The following RSF1 variants were observed in gnomAD, a reference collection of about 807,000 sequenced individuals.
RSF1 encodes remodeling and spacing factor 1.
Under a neutral mutation model 145.2 loss-of-function variants are expected in RSF1, and 13 were observed. The observed-to-expected ratio is 0.09, with a 90% CI of 0.06 to 0.14. The LOEUF (loss-of-function observed/expected upper bound fraction) is 0.14, where lower values mean the gene tolerates loss of function less well. RSF1 is among the 10% of genes least tolerant of loss of function. RSF1 has a pLI of 1.00. For synonymous variants in RSF1, 577 were observed against 592.6 expected (o/e 0.97, Z 0.38); for missense variants, 1,517 against 1,718.2 (o/e 0.88, Z 2.07).
chr11:77,734,972 C>T (rs1961307801), intron 4 of RSF1: 8 of 1,596,634 alleles, frequency 5.0e-6, no homozygotes, highest in African/African-American at 1.3e-5. Flanking sequence ...TTGATGGCGG[C>T]CTCTGAGTCC....
At chr11:77,856,273 T>C in the RSF1 span, among the ~76,000 whole-genome samples, 4 of 152,200 alleles carry the variant, frequency 2.6e-5, no homozygotes. Context: ...AAGTTCCTCA[T>C]CTCCGAGACC....
chr11:77,701,513 T>C lies in RSF1; in HGVS notation c.1716A>G (p.Lys572=), dbSNP rs1395698415. 1.2e-6 allele frequency: 2 copies of C among 1,613,844 alleles called. No homozygotes were observed. Among genetic ancestry groups the C allele is most frequent in the Admixed American group, 3.3e-5 (2 of 59,974 alleles). ...CTMKGEEKSP[K]TKKDKRPPIL... is the part of the protein sequence containing the mutation. The stretch of plus-strand genomic sequence containing the variant: ...TTGGTGGGCGCTTATCCTTCTTAGT[T>C]TTGGGAGACTTCTCTTCACCTTTCA... The change falls in exon 6 of 16, where the codon AAA becomes AAG. Residue 572 remains lysine, a synonymous_variant. Transcript: ENST00000308488.
chr11:77,869,762 T>C, the RSF1 span: 1 of 1,613,986 alleles, frequency 6.2e-7, no homozygotes, highest in Admixed American at 1.7e-5. Context: ...AAGGAAGTTG[T>C]TGAGAAGGGT....
chr11:77,774,757 CTTCT>C (rs1053360703), intron 1 of RSF1, among the ~76,000 whole-genome samples: 5 of 147,920 alleles, frequency 3.4e-5, no homozygotes, highest in African/African-American at 1.0e-4. Flanking sequence ...TGAAACCCTG[CTTCT>C]TTCTTTTTTT....
intron 2 of RSF1, among the ~76,000 whole-genome samples, chr11:77,751,059 T>A (rs182661949): frequency 4.6e-5 from 7 of 152,038 alleles, no homozygotes; most frequent in Admixed American, 4.6e-4. Flanking sequence ...AACCTCTACA[T>A]ACAGGTAAAC....
intron 2 of RSF1, chr11:77,762,167 C>T (rs1948182683): frequency 6.6e-6 from 1 of 151,206 alleles, no homozygotes; most frequent in African/African-American, 2.4e-5. Flanking sequence ...CTGTGCCTAG[C>T]TGGGTTTCCT....
rs541836889 is a variant in RSF1, at chr11:77,772,366, G to A, written c.188-7677C>T. Among the ~76,000 whole-genome samples, 15 of 152,132 alleles carry A rather than the reference G, an allele frequency of 9.9e-5. 1 individual carries two copies. The South Asian group carries it at 3.1e-3, about 32-fold the overall frequency. On this transcript the variant is annotated intron_variant, in intron 1 of 15. Transcript: ENST00000308488. ...TCTAATTTTTTTGTGTACAGACAGGGTCCCACTATGTTGGCCAGGCTGGTC... is the reference window on the plus strand; with the variant it reads ...TCTAATTTTTTTGTGTACAGACAGGATCCCACTATGTTGGCCAGGCTGGTC...
chr11:77,677,910 C>CTA (rs996923952), intron 12 of RSF1, among the ~76,000 whole-genome samples, 176 bp downstream of exon 12: 40 of 152,162 alleles, frequency 2.6e-4, no homozygotes, highest in Admixed American at 2.4e-3. Flanking sequence ...AGATCTGAGT[C>CTA]TATACACTGA....
chr11:77,864,365 G>A, the RSF1 span, among the ~76,000 whole-genome samples: 217 of 151,866 alleles, frequency 1.4e-3, no homozygotes, highest in African/African-American at 4.9e-3. Context: ...GCTTGAACCC[G>A]GGAGTCGGAG....
intron 2 of RSF1, among the ~76,000 whole-genome samples, chr11:77,760,142 C>T (rs1251700021): frequency 6.6e-6 from 1 of 152,110 alleles, no homozygotes; most frequent in African/African-American, 2.4e-5. Context: ...TCCATAGCAG[C>T]ATTATTCCTA....
rs1339838968 is a variant in RSF1, at chr11:77,663,113, C to T, written c.*3804G>A. ...TGAGGCATCACCTTGAATAACGGGC[C>T]TGTTCCACTGTACTGGTAAAGAGCG... On this transcript the variant is annotated 3_prime_UTR_variant, in exon 16 of 16. Transcript: ENST00000308488. 1 of 152,176 alleles carries T rather than the reference C, an allele frequency of 6.6e-6. No individual in the cohort carries two copies. Among genetic ancestry groups the T allele is most frequent in the African/African-American group, 2.4e-5 (1 of 41,450 alleles). The allele number at this position is 152,176 out of a possible 1,614,324, so 9.4% of individuals were successfully genotyped here. A position where few individuals can be genotyped will look rare whatever the true frequency, so the allele number is the denominator to read the frequency against.
the RSF1 span, among the ~76,000 whole-genome samples, chr11:77,833,921 C>T: frequency 6.5e-4 from 99 of 152,230 alleles, no homozygotes; most frequent in African/African-American, 2.4e-3. Context: ...AAGAGTTATA[C>T]ATGTTAGAAG....
intron 15 of RSF1, among the ~76,000 whole-genome samples, chr11:77,668,734 G>C (rs1194356530): frequency 6.6e-6 from 1 of 152,118 alleles, no homozygotes; most frequent in African/African-American, 2.4e-5. Context: ...AGTATACAGA[G>C]GATATGGGTA....
At chr11:77,777,528 G>T (rs1022174607) in intron 1 of RSF1, among the ~76,000 whole-genome samples, 5 of 152,186 alleles carry the variant, frequency 3.3e-5, no homozygotes, top group Non-Finnish European at 4.4e-5. Context: ...GGAAGGTGGA[G>T]GTTGTGGTGA....
chr11:77,669,917 C>A (rs1959475447), intron 15 of RSF1, among the ~76,000 whole-genome samples: 2 of 152,112 alleles, frequency 1.3e-5, no homozygotes, highest in Non-Finnish European at 2.9e-5. Flanking sequence ...TCACTTGAGG[C>A]CAGGAGTTTA....
chr11:77,842,360 C>T, the RSF1 span: 1 of 953,202 alleles, frequency 1.0e-6, no homozygotes, highest in East Asian at 2.6e-5. Flanking sequence ...AAGTAACAAC[C>T]ACGTAAATGA....
At chr11:77,734,557 T>A (rs1961291613) in intron 4 of RSF1, 3 of 1,548,094 alleles carry the variant, frequency 1.9e-6, no homozygotes, top group Non-Finnish European at 2.6e-6. Context: ...TCCCATCTTG[T>A]GCAAGTTGGT....
At chr11:77,816,847 G>A (rs1948786464) in intron 1 of RSF1, among the ~76,000 whole-genome samples, 2 of 152,180 alleles carry the variant, frequency 1.3e-5, no homozygotes, top group African/African-American at 4.8e-5. Context: ...TGCAGGGAGA[G>A]GAGGATAAAA....
Position 77,815,993 on chromosome 11 carries a change from C to T in RSF1, c.187+4535G>A, listed in dbSNP as rs138085621. The stretch of plus-strand genomic sequence containing the variant: ...AGACAAGTCCCTCTGTCTCCATTAC[C>T]TCCTAGTTCCTAGGACAATGACAAC... On this transcript the variant is annotated intron_variant, in intron 1 of 15. Coordinates refer to ENST00000308488, the MANE Select transcript of RSF1 (RefSeq NM_016578.4). Among the ~76,000 whole-genome samples the T allele has an allele frequency of 3.1e-3, 467 of 152,302 alleles. 2 individuals carry two copies. Among genetic ancestry groups the T allele is most frequent in the African/African-American group, 0.01 (434 of 41,570 alleles).
Sources: allele counts gnomAD v4.1 joint callset (sites outside exome capture counted in the v4.1 genomes callset), GRCh38; gene constraint gnomAD v4.1.1; transcripts MANE v1.5; gene names NCBI Gene and HGNC (gene_info 2026-07-23, HGNC 2026-07-21).